Variants in ZSCAN32 observed in about 807,000 individuals in gnomAD.
ZSCAN32 encodes zinc finger and SCAN domain containing 32.
A neutral mutation model predicts 47.4 loss-of-function variants in ZSCAN32; 52 were observed. The ratio of observed to expected loss-of-function variants is 1.10; its 90% CI spans 0.88 to 1.38. The LOEUF is 1.38. Ranked by LOEUF, ZSCAN32 falls within the 40% of genes most tolerant of loss-of-function variation. ZSCAN32 has a pLI of 0.00. For synonymous variants in ZSCAN32, 346 were observed against 305.7 expected (o/e 1.13, Z -1.38); for missense variants, 959 against 846.0 (o/e 1.13, Z -1.66).
In ZSCAN32 at chr16:3,383,939, CGGATG is replaced by C. The variant is rs570160723; in HGVS notation, c.1235-233_1235-229del. On this transcript the variant is annotated intron_variant, in intron 6 of 6. Coordinates refer to ENST00000396852, the MANE Select transcript of ZSCAN32 (RefSeq NM_001284527.2). ...CTCCAACTTTTCTCCTATCTTTTTT[CGGATG>C]TTCTGACACAATGACAAACTGAGGC... The C allele has an allele frequency of 9.4e-4, 503 of 534,714 alleles. 6 individuals carry two copies. In the East Asian group the frequency reaches 0.017, roughly 18 times the overall value. 33.1% of individuals were successfully genotyped at this position (534,714 alleles called of 1,614,324 possible). A position where few individuals can be genotyped will look rare whatever the true frequency, so the allele number is the denominator to read the frequency against.
intron 3 of ZSCAN32, among the ~76,000 whole-genome samples, chr16:3,391,095 A>T (rs1363684358): frequency 6.6e-6 from 1 of 152,240 alleles, no homozygotes; most frequent in African/African-American, 2.4e-5. Context: ...AATAAAATGA[A>T]TCATGTCTAT....
intron 3 of ZSCAN32, among the ~76,000 whole-genome samples, chr16:3,391,548 A>G (rs1395966173): frequency 6.6e-6 from 1 of 151,730 alleles, no homozygotes; most frequent in Non-Finnish European, 1.5e-5. Flanking sequence ...GCGTGGTGGC[A>G]GGCGCCTGTA....
chr16:3,383,334 G>T lies in ZSCAN32; in HGVS notation c.1612C>A (p.Arg538=). The change falls in exon 7 of 7, where the codon CGG becomes AGG. Residue 538 remains arginine, a synonymous_variant. Transcript: ENST00000396852. ...KTFSRSSYLV[R]HQRIHTGEKP... ...TCGCCTGTGTGGATTCTTTGATGCC[G>T]AACAAGATAAGAACTTCGGCTAAAG... is the stretch of plus-strand genomic sequence containing the variant. The T allele has an allele frequency of 6.2e-7, 1 of 1,614,138 alleles. No homozygotes were observed. Among genetic ancestry groups the T allele is most frequent in the Non-Finnish European group, 8.5e-7 (1 of 1,180,040 alleles).
In ZSCAN32 at chr16:3,384,484, C is replaced by T. The variant is rs866336403; in HGVS notation, c.1209G>A (p.Leu403=). The stretch of plus-strand genomic sequence containing the variant: ...CAAGTCTGTTTGGGAACAGCACTGG[C>T]AGGTCTAGTTTCCTGACTTCCTGGC... ...NPGQEVRKLD[L]PVLFPNRLGF... is the part of the protein sequence containing the mutation. Residue 403 remains leucine (L), a synonymous_variant, in exon 6 of 7, where the codon CTG becomes CTA. Coordinates refer to ENST00000396852, the MANE Select transcript of ZSCAN32 (RefSeq NM_001284527.2). 3 of 1,614,156 alleles carry T rather than the reference C, an allele frequency of 1.9e-6. No homozygotes were observed. The highest frequency in any genetic ancestry group is 1.6e-4 in the Middle Eastern group (1 of 6,062).
rs2033852125 is a variant in ZSCAN32 at position 3,400,929 on chromosome 16, G to A, written c.-188+16C>T. On this transcript the variant is annotated intron_variant, in intron 1 of 6. Coordinates refer to ENST00000396852, the MANE Select transcript of ZSCAN32 (RefSeq NM_001284527.2). The stretch of plus-strand genomic sequence containing the variant: ...AGCGGCTAATCCCGCCGGCCGCAAG[G>A]AAGCGGAGAACTCACCGGACACCAG... 6.6e-6 allele frequency: 1 copy of A among 152,380 alleles called. No individual in the cohort carries two copies. The highest frequency in any genetic ancestry group is 1.5e-5 in the Non-Finnish European group (1 of 68,118). 9.4% of individuals were successfully genotyped at this position (152,380 alleles called of 1,614,324 possible).
At chr16:3,396,845 G>C (rs959617912) in intron 2 of ZSCAN32, among the ~76,000 whole-genome samples, 2 of 152,142 alleles carry the variant, frequency 1.3e-5, no homozygotes, top group Non-Finnish European at 2.9e-5. Flanking sequence ...GAAGCTCCTA[G>C]CATGAAACTA....
At chr16:3,385,120 C>G (rs1319518998) in intron 5 of ZSCAN32, among the ~76,000 whole-genome samples, 179 bp from the exon 6 acceptor site, 3 of 152,042 alleles carry the variant, frequency 2.0e-5, no homozygotes, top group Non-Finnish European at 4.4e-5. Flanking sequence ...GTCAAGAGAT[C>G]GAGACCATCC....
intron 1 of ZSCAN32, among the ~76,000 whole-genome samples, chr16:3,399,558 A>T (rs905469753): frequency 6.6e-6 from 1 of 152,140 alleles, no homozygotes; most frequent in Non-Finnish European, 1.5e-5. Flanking sequence ...AGTTAATTTT[A>T]AAAATAGTTT....
rs747200084 is a variant in ZSCAN32 at position 3,384,948 on chromosome 16, G to T, written c.752-7C>A. On this transcript the variant is annotated splice_polypyrimidine_tract_variant and splice_region_variant and intron_variant, in intron 5 of 6. Coordinates refer to ENST00000396852, the MANE Select transcript of ZSCAN32 (RefSeq NM_001284527.2). ...CCCCAGGGCACACCTGTTGCTGGGG[G>T]ACAAAGAATAGGTCAATTAGATCTG... 2 of 1,608,046 alleles carry T rather than the reference G, an allele frequency of 1.2e-6. No individual in the cohort carries two copies. The highest frequency in any genetic ancestry group is 1.1e-5 in the South Asian group (1 of 90,828).
At chr16:3,390,917 G>A (rs982214748) in intron 3 of ZSCAN32, among the ~76,000 whole-genome samples, 5 of 152,012 alleles carry the variant, frequency 3.3e-5, no homozygotes, top group Non-Finnish European at 7.4e-5. Context: ...CCATAGCCCT[G>A]CCACCCAAAG....
At chr16:3,389,107 A>G (rs888006345) in intron 5 of ZSCAN32, among the ~76,000 whole-genome samples, 8 of 152,250 alleles carry the variant, frequency 5.3e-5, no homozygotes, top group South Asian at 2.1e-4. Flanking sequence ...ACAGAGCTCA[A>G]AAAGACACTA....
At chr16:3,398,483 C>T (rs982948015) in intron 1 of ZSCAN32, among the ~76,000 whole-genome samples, 3 of 152,164 alleles carry the variant, frequency 2.0e-5, no homozygotes, top group East Asian at 3.8e-4. Flanking sequence ...CCCATTTAGC[C>T]GGTTCTGTGC....
In ZSCAN32 at chr16:3,397,465, A is replaced by G; in HGVS notation, c.93T>C (p.Pro31=). ...AGCGCTGACGGGAGGCCTCGGAGTC[A>G]GGGCTGTTACCCTGGAGGGCTGATT... is the stretch of plus-strand genomic sequence containing the variant. ...GQKSALQGNS[P]DSEASRQRFR... is the part of the protein sequence containing the mutation. The change falls in exon 2 of 7, where the codon CCT becomes CCC. Residue 31 remains proline (P), a synonymous_variant. Coordinates refer to ENST00000396852, the MANE Select transcript of ZSCAN32 (RefSeq NM_001284527.2). The G allele has an allele frequency of 1.3e-6, 2 of 1,550,752 alleles. No individual in the cohort carries two copies. Among genetic ancestry groups the G allele is most frequent in the Non-Finnish European group, 1.7e-6 (2 of 1,147,062 alleles).
chr16:3,397,621 C>G lies in ZSCAN32; in HGVS notation c.-64G>C. 6.9e-7 allele frequency: 1 copy of G among 1,452,288 alleles called. No homozygotes were observed. The allele number at this position is 1,452,288 out of a possible 1,614,324, so 90.0% of individuals were successfully genotyped here. A position where few individuals can be genotyped will look rare whatever the true frequency, so the allele number is the denominator to read the frequency against. ...ACCCTGGAGATCAGAGTCCATCTTT[C>G]CCACATCACTGGGAAGCCATGTTCT... On this transcript the variant is annotated 5_prime_UTR_variant, in exon 2 of 7. Transcript: ENST00000396852.
At chr16:3,384,152 T>C in intron 6 of ZSCAN32, 2 of 543,346 alleles carry the variant, frequency 3.7e-6, no homozygotes, top group Non-Finnish European at 6.4e-6. Context: ...GGCAAGGCCA[T>C]GCTAGAGAAA....
At chr16:3,383,746 C>G in intron 6 of ZSCAN32, 35 bp from the exon 7 acceptor site, 1 of 1,540,204 alleles carries the variant, frequency 6.5e-7, no homozygotes, top group Non-Finnish European at 8.7e-7. Flanking sequence ...ATACAATGGA[C>G]TATAGAGAAG....
intron 3 of ZSCAN32, among the ~76,000 whole-genome samples, chr16:3,392,949 G>T (rs921548458): frequency 6.6e-6 from 1 of 151,002 alleles, no homozygotes; most frequent in Non-Finnish European, 1.5e-5. Context: ...GTTGGATGGG[G>T]AAGGGGATTT....
Position 3,393,250 on chromosome 16 carries a change from TATATA to T in ZSCAN32, c.532+394_532+398del, listed in dbSNP as rs2033024670. On this transcript the variant is annotated intron_variant, in intron 3 of 6. Coordinates refer to ENST00000396852, the MANE Select transcript of ZSCAN32 (RefSeq NM_001284527.2). ...TATAAATTTATATATTTTATATATA[TATATA>T]TTTTTTGTTTTCTTTGAGACAGCCC... is the stretch of plus-strand genomic sequence containing the variant. Among the ~76,000 whole-genome samples, 4 of 19,422 alleles carry T rather than the reference TATATA, an allele frequency of 2.1e-4. 2 individuals carry two copies. Among genetic ancestry groups the T allele is most frequent in the African/African-American group, 1.1e-3 (4 of 3,496 alleles). The allele number at this position is 19,422 out of a possible 152,430, so 12.7% of individuals were successfully genotyped here.
intron 3 of ZSCAN32, 67 bp downstream of exon 3, chr16:3,393,582 A>C: frequency 7.0e-7 from 1 of 1,432,686 alleles, no homozygotes; most frequent in South Asian, 1.5e-5. Context: ...GACTCAGTTC[A>C]GACCTTTGTT....
Sources: allele counts gnomAD v4.1 joint callset (sites outside exome capture counted in the v4.1 genomes callset), GRCh38; gene constraint gnomAD v4.1.1; transcripts MANE v1.5; gene names NCBI Gene and HGNC (gene_info 2026-07-23, HGNC 2026-07-21).